The following CLIP4 variants were observed in gnomAD, a reference collection of about 807,000 sequenced individuals.
CLIP4 encodes the protein CAP-Gly domain containing linker protein family member 4.
Under a neutral mutation model 73.1 loss-of-function variants are expected in CLIP4, and 47 were observed. That is an observed-to-expected ratio of 0.64 (90% CI 0.51 to 0.82). CLIP4 has a LOEUF of 0.82. Among genes scored for constraint, CLIP4 ranks in the 40% least tolerant of loss-of-function variants. The pLI, the probability that CLIP4 is intolerant of heterozygous loss-of-function variation, is 0.00. For synonymous variants in CLIP4, 306 were observed against 295.4 expected (o/e 1.04, Z -0.37); for missense variants, 874 against 852.9 (o/e 1.02, Z -0.31).
chr2:29,153,140 C>T (rs1666690050), intron 9 of CLIP4, among the ~76,000 whole-genome samples: 1 of 151,978 alleles, frequency 6.6e-6, no homozygotes, highest in Non-Finnish European at 1.5e-5. Context: ...GGCTCCTTGC[C>T]TATTGAAGGA....
chr2:29,165,975 C>CTTCA (rs1553378640), intron 13 of CLIP4, among the ~76,000 whole-genome samples: 1 of 146,190 alleles, frequency 6.8e-6, no homozygotes, highest in Admixed American at 6.8e-5. Context: ...CCCTCTTCTT[C>CTTCA]AAAAAAAAAA....
At chr2:29,122,826 CAAAAAAAA>C (rs11364909) in intron 2 of CLIP4, among the ~76,000 whole-genome samples, 7 of 61,916 alleles carry the variant, frequency 1.1e-4, no homozygotes, top group Non-Finnish European at 1.6e-4. Flanking sequence ...ACTTTGTCTC[CAAAAAAAA>C]AAAAAAAAAA....
chr2:29,126,271 A>G (rs1572894010), intron 2 of CLIP4, among the ~76,000 whole-genome samples: 1 of 152,240 alleles, frequency 6.6e-6, no homozygotes, highest in Non-Finnish European at 1.5e-5. Context: ...TCCTTTATGG[A>G]AGTTGAAAAT....
intron 5 of CLIP4, among the ~76,000 whole-genome samples, chr2:29,135,238 G>A (rs1665267874): frequency 6.6e-6 from 1 of 152,180 alleles, no homozygotes; most frequent in Admixed American, 6.5e-5. Context: ...CTTAATGGGA[G>A]ATTGTGATAA....
intron 1 of CLIP4, among the ~76,000 whole-genome samples, chr2:29,107,929 T>C (rs901495653): frequency 1.3e-5 from 2 of 152,184 alleles, no homozygotes; most frequent in East Asian, 1.9e-4. Context: ...TGCCAGATAC[T>C]ATTCTAGGTA....
chr2:29,133,746 T>C lies in CLIP4; in HGVS notation c.459T>C (p.Ala153=). ...GGAGTCGCTGGACAAACATGAATGC[T>C]TTGCATTATGCTGCTTATTTTGATG... ...SLRSRWTNMN[A]LHYAAYFDVP... Residue 153 remains alanine (A), a synonymous_variant, in exon 5 of 16, where the codon GCT becomes GCC. Coordinates refer to ENST00000320081, the MANE Select transcript of CLIP4 (RefSeq NM_024692.6). The C allele has an allele frequency of 6.2e-7, 1 of 1,613,718 alleles. No homozygotes were observed. The highest frequency in any genetic ancestry group is 8.5e-7 in the Non-Finnish European group (1 of 1,179,854).
intron 14 of CLIP4, among the ~76,000 whole-genome samples, chr2:29,173,017 G>T (rs1668109429): frequency 6.6e-6 from 1 of 151,946 alleles, no homozygotes. Flanking sequence ...TAAAGCCTTT[G>T]TGAGTCTGAT....
intron 12 of CLIP4, among the ~76,000 whole-genome samples, chr2:29,162,848 T>C (rs955077086): frequency 2.0e-5 from 3 of 152,170 alleles, no homozygotes; most frequent in Admixed American, 6.5e-5. Context: ...AACTTGTGAG[T>C]TGGTTTTTTA....
chr2:29,167,717 C>G lies in CLIP4; in HGVS notation c.1723+177C>G, dbSNP rs573078625. ...CTGGCTGAAGAAGATGATAACCTGA[C>G]CTGTAGAAACCCCTGAGTACCCCAT... On this transcript the variant is annotated intron_variant, in intron 14 of 15. Coordinates refer to ENST00000320081, the MANE Select transcript of CLIP4 (RefSeq NM_024692.6). 10 of 462,936 alleles carry G rather than the reference C, an allele frequency of 2.2e-5. No homozygotes were observed. The East Asian group carries it at 3.1e-4, about 15-fold the overall frequency. The allele number at this position is 462,936 out of a possible 1,614,324, so 28.7% of individuals were successfully genotyped here. A position where few individuals can be genotyped will look rare whatever the true frequency, so the allele number is the denominator to read the frequency against.
chr2:29,113,511 T>A (rs1668434990), upstream of CLIP4, among the ~76,000 whole-genome samples: 1 of 152,226 alleles, frequency 6.6e-6, no homozygotes, highest in African/African-American at 2.4e-5. The surrounding 1 kb of genome is among the most constrained non-coding windows in gnomAD (Gnocchi z 4.0). Flanking sequence ...GCATTCTTGA[T>A]GATGGTATAA....
At chr2:29,147,075 C>T (rs1048574268) in intron 8 of CLIP4, among the ~76,000 whole-genome samples, 8 of 152,028 alleles carry the variant, frequency 5.3e-5, no homozygotes, top group African/African-American at 1.9e-4. Context: ...TATTTAATAT[C>T]CTAGTGTAAT....
intron 12 of CLIP4, among the ~76,000 whole-genome samples, 188 bp downstream of exon 12, chr2:29,160,655 T>C (rs901167785): frequency 1.3e-5 from 2 of 152,236 alleles, no homozygotes; most frequent in African/African-American, 4.8e-5. Flanking sequence ...TGGTTACCCA[T>C]ACATTTTTTT....
chr2:29,152,093 TG>T (rs1666611339), intron 8 of CLIP4, among the ~76,000 whole-genome samples: 4 of 152,258 alleles, frequency 2.6e-5, no homozygotes, highest in Middle Eastern at 3.4e-3. Context: ...TTAGGTACAG[TG>T]GGGGAATGCA....
At chr2:29,166,233 G>A (rs1370498528) in intron 13 of CLIP4, among the ~76,000 whole-genome samples, 1 of 152,082 alleles carries the variant, frequency 6.6e-6, no homozygotes, top group Non-Finnish European at 1.5e-5. Flanking sequence ...ACTAGGGACT[G>A]CTTGAGGACA....
chr2:29,159,071 A>G, intron 11 of CLIP4, among the ~76,000 whole-genome samples: 1 of 152,188 alleles, frequency 6.6e-6, no homozygotes, highest in East Asian at 1.9e-4. Context: ...AGTGTGTCTT[A>G]GTTAATTCCT....
At chr2:29,117,319 TTCTC>T (rs997736540) in intron 1 of CLIP4, among the ~76,000 whole-genome samples, 11 of 151,966 alleles carry the variant, frequency 7.2e-5, no homozygotes, top group Admixed American at 1.3e-4. Flanking sequence ...TCTTTTCCTT[TTCTC>T]TCTCTCTTTT....
intron 8 of CLIP4, among the ~76,000 whole-genome samples, chr2:29,150,549 T>C (rs533337467): frequency 6.6e-6 from 1 of 152,278 alleles, no homozygotes; most frequent in Non-Finnish European, 1.5e-5. Context: ...ATGTTTATTT[T>C]AGGTTTCTTC....
intron 8 of CLIP4, among the ~76,000 whole-genome samples, chr2:29,149,850 AT>A (rs1666432137): frequency 6.6e-6 from 1 of 152,098 alleles, no homozygotes; most frequent in Non-Finnish European, 1.5e-5. Context: ...GCTTACAGAG[AT>A]TTCCTGGTGA....
intron 1 of CLIP4, among the ~76,000 whole-genome samples, chr2:29,104,960 C>T (rs571232694): frequency 6.6e-5 from 10 of 152,192 alleles, no homozygotes; most frequent in Admixed American, 2.6e-4. Flanking sequence ...GGGACAGCAC[C>T]GTAGGAAGCT....
Sources: gnomAD v4.1 joint callset for allele counts (sites outside exome capture counted in the v4.1 genomes callset) on GRCh38, gnomAD v4.1.1 for gene constraint, Gnocchi (gnomAD v3.1) non-coding constraint, MANE v1.5 for transcripts, NCBI Gene and HGNC (gene_info 2026-07-23, HGNC 2026-07-21) for gene names.